Variants in SELENOI observed in about 807,000 individuals in gnomAD.
The protein encoded by SELENOI is ethanolaminephosphotransferase 1.
Under a neutral mutation model 50.7 loss-of-function variants are expected in SELENOI, and 24 were observed. The observed-to-expected ratio is 0.47, with a 90% CI of 0.34 to 0.67. The LOEUF is 0.67. Among genes scored for constraint, SELENOI ranks in the 30% least tolerant of loss-of-function variants. SELENOI has a pLI of 0.01. For missense variants in SELENOI, 352 were observed against 461.4 expected (o/e 0.76, Z 2.17); for synonymous variants, 155 against 170.2 (o/e 0.91, Z 0.70).
At chr2:26,353,011 T>G (rs1271886378) in intron 1 of SELENOI, among the ~76,000 whole-genome samples, 1 of 152,178 alleles carries the variant, frequency 6.6e-6, no homozygotes, top group African/African-American at 2.4e-5. Context: ...TCAGTTTACC[T>G]GCTAGATCCC....
chr2:26,370,223 TACAGA>T (rs552154003), intron 4 of SELENOI, among the ~76,000 whole-genome samples: 1 of 151,950 alleles, frequency 6.6e-6, no homozygotes, highest in Non-Finnish European at 1.5e-5. Flanking sequence ...TTTTTCTAAG[TACAGA>T]ACAAAATGAA....
At chr2:26,357,712 C>T (rs1406362156) in intron 1 of SELENOI, among the ~76,000 whole-genome samples, 2 of 152,158 alleles carry the variant, frequency 1.3e-5, no homozygotes, top group East Asian at 3.9e-4. Flanking sequence ...ACATAATACT[C>T]GGATAATTCC....
At chr2:26,386,254 A>T in intron 8 of SELENOI, 100 bp from the exon 9 acceptor site, 1 of 1,156,014 alleles carries the variant, frequency 8.7e-7, no homozygotes, top group Non-Finnish European at 1.2e-6. Flanking sequence ...TGGTTCAGGT[A>T]CTTGAATGCT....
chr2:26,354,499 T>C (rs1677024904), intron 1 of SELENOI, among the ~76,000 whole-genome samples: 1 of 152,068 alleles, frequency 6.6e-6, no homozygotes, highest in South Asian at 2.1e-4. Context: ...CTATTCTCCT[T>C]CTTCAGCCTC....
Position 26,391,337 on chromosome 2 carries a change from C to G in SELENOI, c.*2234C>G, listed in dbSNP as rs1213651990. 6.6e-6 allele frequency: 1 copy of G among 152,164 alleles called. No homozygotes were observed. The highest frequency in any genetic ancestry group is 1.5e-5 in the Non-Finnish European group (1 of 68,020). 9.4% of individuals were successfully genotyped at this position (152,164 alleles called of 1,614,324 possible). ...GAGGATCTTTAGTGTACTGCTGACT[C>G]TTTTTCTTGTTTTGTCTGCCATTCT... On this transcript the variant is annotated 3_prime_UTR_variant, in exon 10 of 10. Transcript: ENST00000260585.
intron 1 of SELENOI, among the ~76,000 whole-genome samples, chr2:26,347,887 C>T (rs1676837456): frequency 6.6e-6 from 1 of 151,954 alleles, no homozygotes; most frequent in Non-Finnish European, 1.5e-5. Flanking sequence ...CTGATCTTTC[C>T]CCCTTTTTTA....
intron 6 of SELENOI, among the ~76,000 whole-genome samples, chr2:26,380,724 T>G (rs1411003435): frequency 1.3e-5 from 2 of 152,220 alleles, no homozygotes; most frequent in Non-Finnish European, 2.9e-5. Context: ...ATGGGTTGTG[T>G]GATTTTCTGT....
intron 6 of SELENOI, among the ~76,000 whole-genome samples, chr2:26,380,593 T>C (rs1677669997): frequency 1.3e-5 from 2 of 152,218 alleles, no homozygotes; most frequent in Non-Finnish European, 2.9e-5. Flanking sequence ...GTGAATAGTC[T>C]TGTACATCAG....
chr2:26,389,188 T>C lies in SELENOI; in HGVS notation c.*85T>C. On this transcript the variant is annotated 3_prime_UTR_variant, in exon 10 of 10. Transcript: ENST00000260585. ...TCACCATTGAACTAGACTGATCTGC[T>C]TGACAGACGTGGGATCTCAGTATGG... The C allele has an allele frequency of 5.8e-6, 6 of 1,035,650 alleles. No homozygotes were observed. Among genetic ancestry groups the C allele is most frequent in the Non-Finnish European group, 8.7e-6 (6 of 686,892 alleles). The allele number at this position is 1,035,650 out of a possible 1,614,324, so 64.2% of individuals were successfully genotyped here.
At chr2:26,348,988 T>C (rs576472151) in intron 1 of SELENOI, among the ~76,000 whole-genome samples, 178 of 147,894 alleles carry the variant, frequency 1.2e-3, no homozygotes, top group African/African-American at 4.3e-3. Flanking sequence ...TCCTTTGTTT[T>C]GGACAGGCTT....
chr2:26,360,720 C>G (rs970215689), intron 1 of SELENOI, among the ~76,000 whole-genome samples: 3 of 152,116 alleles, frequency 2.0e-5, no homozygotes, highest in Non-Finnish European at 4.4e-5. Context: ...GGCTATATTT[C>G]GTGGTTCTGG....
At chr2:26,381,334 C>G (rs2147960741) in intron 6 of SELENOI, among the ~76,000 whole-genome samples, 1 of 148,408 alleles carries the variant, frequency 6.7e-6, no homozygotes, top group South Asian at 2.2e-4. Context: ...TATATGGTCT[C>G]TATCACTGTT....
intron 5 of SELENOI, 118 bp downstream of exon 5, chr2:26,373,747 A>AT: frequency 9.5e-7 from 1 of 1,050,368 alleles, no homozygotes. Flanking sequence ...GTACTTAAAA[A>AT]TTTTTTATTT....
intron 9 of SELENOI, 143 bp from the exon 10 acceptor site, chr2:26,388,862 C>A: frequency 3.0e-6 from 2 of 659,942 alleles, no homozygotes; most frequent in Non-Finnish European, 2.6e-6. Context: ...CTATAGCTAT[C>A]CTAATCCAGA....
intron 7 of SELENOI, among the ~76,000 whole-genome samples, chr2:26,384,538 T>C (rs961618014): frequency 7.9e-5 from 12 of 152,338 alleles, no homozygotes; most frequent in African/African-American, 2.9e-4. Context: ...TGTCTTACTC[T>C]AAGTTCTCTA....
intron 9 of SELENOI, among the ~76,000 whole-genome samples, chr2:26,387,112 T>C (rs952007647): frequency 6.6e-6 from 1 of 152,166 alleles, no homozygotes; most frequent in African/African-American, 2.4e-5. Flanking sequence ...ATCAGCAAAA[T>C]TGATAAATAA....
chr2:26,346,860 C>T (rs1188765680), intron 1 of SELENOI: 1 of 152,316 alleles, frequency 6.6e-6, no homozygotes, highest in Non-Finnish European at 1.5e-5. Flanking sequence ...CGCGGGCTTT[C>T]GAGCACATAC....
chr2:26,352,797 A>C (rs932533325), intron 1 of SELENOI, among the ~76,000 whole-genome samples: 1 of 152,038 alleles, frequency 6.6e-6, no homozygotes, highest in Non-Finnish European at 1.5e-5. Flanking sequence ...AATAATAAAA[A>C]AAATTAGTGT....
chr2:26,349,026 T>C (rs942998947), intron 1 of SELENOI, among the ~76,000 whole-genome samples: 3 of 92,328 alleles, frequency 3.2e-5, no homozygotes, highest in Non-Finnish European at 7.0e-5. Flanking sequence ...TTTTTTTTTT[T>C]TTTTTGGAGA....
Sources: gnomAD v4.1 joint callset for allele counts (sites outside exome capture counted in the v4.1 genomes callset) on GRCh38, gnomAD v4.1.1 for gene constraint, MANE v1.5 for transcripts, NCBI Gene and HGNC (gene_info 2026-07-23, HGNC 2026-07-21) for gene names.